Variants in RAP1A observed in about 807,000 individuals in gnomAD.
RAP1A encodes the protein ras-related protein Rap-1A.
Under a neutral mutation model 26.4 loss-of-function variants are expected in RAP1A, and 6 were observed. The observed-to-expected ratio is 0.23, with a 90% CI of 0.12 to 0.45. The LOEUF (loss-of-function observed/expected upper bound fraction) is 0.45. Among genes scored for constraint, RAP1A ranks in the 20% least tolerant of loss-of-function variants. RAP1A has a pLI of 0.99. For synonymous variants in RAP1A, 73 were observed against 79.4 expected (o/e 0.92, Z 0.43); for missense variants, 121 against 217.2 (o/e 0.56, Z 2.78).
At chr1:111,647,608 A>C (rs1660111885) in intron 1 of RAP1A, among the ~76,000 whole-genome samples, 1 of 152,158 alleles carries the variant, frequency 6.6e-6, no homozygotes, top group African/African-American at 2.4e-5. Context: ...ATTAATCTAG[A>C]TATTTAGCTA....
In RAP1A at chr1:111,662,394, C is replaced by CA. The variant is rs60481679; in HGVS notation, c.-27-28916dup. Among the ~76,000 whole-genome samples the CA allele has an allele frequency of 4.6e-3, 474 of 102,960 alleles. 4 individuals are homozygous for CA. The highest frequency in any genetic ancestry group is 6.5e-3 in the African/African-American group (164 of 25,322). 67.5% of individuals were successfully genotyped at this position (102,960 alleles called of 152,430 possible). ...TGGGCGAAAGAGCGAGACTCCATCT[C>CA]AAAAAAAAAAAAAAAAAAAAAAAAT... On this transcript the variant is annotated intron_variant, in intron 1 of 7. Coordinates refer to ENST00000369709, the MANE Select transcript of RAP1A (RefSeq NM_002884.4).
At chr1:111,633,348 ATTGT>A (rs200743995) in intron 1 of RAP1A, among the ~76,000 whole-genome samples, 2,116 of 152,280 alleles carry the variant, frequency 0.014, 45 homozygotes, top group African/African-American at 0.049. Flanking sequence ...GCTTCAGAAA[ATTGT>A]TTGGCATATA....
rs373784470 is a variant in RAP1A, at chr1:111,705,505, A to T, written c.468+1019A>T. On this transcript the variant is annotated intron_variant, in intron 6 of 7. Transcript: ENST00000369709. ...GGTAAAAAAAAATTAAGCTTGCTTC[A>T]ACTTCTGTATTTTACAGATAATCAA... 4.6e-5 allele frequency among the ~76,000 whole-genome samples: 7 copies of T among 152,256 alleles called. No individual in the cohort carries two copies. In the South Asian group the frequency reaches 1.4e-3, roughly 31 times the overall value.
intron 4 of RAP1A, among the ~76,000 whole-genome samples, chr1:111,700,796 C>T (rs543197377): frequency 1.3e-5 from 2 of 152,258 alleles, no homozygotes; most frequent in East Asian, 1.9e-4. Context: ...ATGCCTGAAA[C>T]CATGGAGTCG....
intron 1 of RAP1A, among the ~76,000 whole-genome samples, chr1:111,553,182 G>A (rs1163650281): frequency 6.6e-6 from 1 of 152,228 alleles, no homozygotes; most frequent in Non-Finnish European, 1.5e-5. Context: ...CTAGAGCAGA[G>A]AACAGATTTG....
At chr1:111,638,315 G>T (rs1285492899) in intron 1 of RAP1A, among the ~76,000 whole-genome samples, 1 of 152,096 alleles carries the variant, frequency 6.6e-6, no homozygotes, top group Non-Finnish European at 1.5e-5. Context: ...TTGTTTTTGC[G>T]TATGTCTTTG....
rs1457151987 is a variant in RAP1A at position 111,603,412 on chromosome 1, C to T, written c.-28+60903C>T. 7.2e-5 allele frequency among the ~76,000 whole-genome samples: 11 copies of T among 152,262 alleles called. No homozygotes were observed. The East Asian group carries it at 9.7e-4, about 13-fold the overall frequency. On this transcript the variant is annotated intron_variant, in intron 1 of 7. Coordinates refer to the RAP1A transcript ENST00000356415. ...CATCACTATAATTTGAATGACTTGG[C>T]CAACCTTAGAATGCTGTGGAAATTA...
At chr1:111,571,466 A>C (rs1195271797) in intron 1 of RAP1A, among the ~76,000 whole-genome samples, 2 of 152,208 alleles carry the variant, frequency 1.3e-5, no homozygotes, top group African/African-American at 2.4e-5. Flanking sequence ...CTCCAACCTG[A>C]GTCACCTCAT....
chr1:111,671,119 C>T (rs761762247), intron 1 of RAP1A, among the ~76,000 whole-genome samples: 3 of 152,232 alleles, frequency 2.0e-5, no homozygotes, highest in South Asian at 4.1e-4. Flanking sequence ...AGGGGAAATG[C>T]GTAAACCTGA....
At chr1:111,595,813 T>C (rs902261293) in intron 1 of RAP1A, among the ~76,000 whole-genome samples, 3 of 152,236 alleles carry the variant, frequency 2.0e-5, no homozygotes, top group Admixed American at 2.0e-4. Context: ...CTGTTTTTTT[T>C]CAAGGGCAAG....
At chr1:111,555,324 C>T (rs1657440369) in intron 1 of RAP1A, among the ~76,000 whole-genome samples, 1 of 132,232 alleles carries the variant, frequency 7.6e-6, no homozygotes, top group South Asian at 2.4e-4. Flanking sequence ...CAAGATTGTG[C>T]CACTGCACTC....
intron 6 of RAP1A, 84 bp from the exon 7 acceptor site, chr1:111,709,065 A>T: frequency 6.9e-7 from 1 of 1,457,824 alleles, no homozygotes; most frequent in Non-Finnish European, 9.1e-7. Context: ...ATCTAAGACC[A>T]GAATAGTACT....
chr1:111,696,930 C>T (rs1557896143), intron 3 of RAP1A, among the ~76,000 whole-genome samples: 1 of 152,054 alleles, frequency 6.6e-6, no homozygotes, highest in Non-Finnish European at 1.5e-5. Context: ...TCTTTTATGT[C>T]TTAAACTCAG....
chr1:111,688,265 CTG>C (rs60277735), intron 1 of RAP1A, among the ~76,000 whole-genome samples: 1,783 of 135,240 alleles, frequency 0.013, 18 homozygotes, highest in Admixed American at 0.021. Flanking sequence ...CACAAGAAGT[CTG>C]TGTGTGTGTG....
intron 1 of RAP1A, among the ~76,000 whole-genome samples, chr1:111,575,308 C>A (rs558144180): frequency 6.6e-6 from 1 of 152,254 alleles, no homozygotes; most frequent in South Asian, 2.1e-4. Flanking sequence ...CATGCATCAC[C>A]ACACTCAGCT....
intron 1 of RAP1A, among the ~76,000 whole-genome samples, chr1:111,566,263 A>G (rs142518984): frequency 6.6e-6 from 1 of 152,326 alleles, no homozygotes; most frequent in Non-Finnish European, 1.5e-5. Flanking sequence ...TGCTGGTTGC[A>G]AAAATGAGGC....
Position 111,543,832 on chromosome 1 carries a change from G to A in RAP1A, c.-28+1323G>A, listed in dbSNP as rs554213333. On this transcript the variant is annotated intron_variant, in intron 1 of 7. Coordinates refer to the RAP1A transcript ENST00000356415. Reference sequence around the variant, plus strand: ...CATTCATTTTGTTATCCCAGGGTGGGCCATTTTGAAGTTGGTAAGGGTTTA... The same window carrying A: ...CATTCATTTTGTTATCCCAGGGTGGACCATTTTGAAGTTGGTAAGGGTTTA... Among the ~76,000 whole-genome samples, 6 of 152,216 alleles carry A rather than the reference G, an allele frequency of 3.9e-5. No homozygotes were observed. In the East Asian group the frequency reaches 9.6e-4, roughly 24 times the overall value.
intron 1 of RAP1A, among the ~76,000 whole-genome samples, chr1:111,570,238 A>G (rs1658022212): frequency 6.6e-6 from 1 of 152,166 alleles, no homozygotes; most frequent in South Asian, 2.1e-4. Flanking sequence ...GCAAGGATCC[A>G]TTTCACAGTC....
chr1:111,633,938 G>C (rs1280573893), intron 1 of RAP1A, among the ~76,000 whole-genome samples: 1 of 152,168 alleles, frequency 6.6e-6, no homozygotes, highest in African/African-American at 2.4e-5. Context: ...GGGTACATAA[G>C]CTATATAGTA....
Sources: allele counts gnomAD v4.1 joint callset (sites outside exome capture counted in the v4.1 genomes callset), GRCh38; gene constraint gnomAD v4.1.1; transcripts MANE v1.5; gene names NCBI Gene and HGNC (gene_info 2026-07-23, HGNC 2026-07-21).